Variants in MTMR8 observed in about 807,000 individuals in gnomAD.
MTMR8 encodes myotubularin related protein 8.
In MTMR8, 65 loss-of-function variants were observed where a neutral mutation model predicts 39.3. The ratio of observed to expected loss-of-function variants is 1.65; its 90% confidence interval spans 1.35 to 2.03. The LOEUF (loss-of-function observed/expected upper bound fraction) is 2.03. Among genes scored for constraint, MTMR8 ranks in the 30% most tolerant of loss-of-function variants. MTMR8 has a pLI of 0.00. For missense variants in MTMR8, 777 were observed against 538.9 expected, an observed-to-expected ratio of 1.44 and a Z score of -4.37; for synonymous variants, 245 against 185.2, an observed-to-expected ratio of 1.32 and a Z score of -2.62.
chrX:64,347,183 C>G (rs775301112), intron 6 of MTMR8, among the ~76,000 whole-genome samples: 1 of 110,191 alleles, frequency 9.1e-6, no homozygotes, highest in Non-Finnish European at 1.9e-5. Flanking sequence ...AGAGGGAATG[C>G]CAGATATTTC....
chrX:64,394,603 G>A (rs1207472440), intron 1 of MTMR8, among the ~76,000 whole-genome samples: 1 of 112,057 alleles, frequency 8.9e-6, no homozygotes, highest in African/African-American at 3.2e-5. Flanking sequence ...ATTTGAAACA[G>A]AAAGGGGCTG....
Position 64,289,636 on chromosome X carries a change from C to CAAAAAAAAAAAAAAAAAAAAAAAAAAA in MTMR8, c.1482-18564_1482-18563insTTTTTTTTTTTTTTTTTTTTTTTTTTT, listed in dbSNP as rs749879321. On this transcript the variant is annotated intron_variant, in intron 12 of 13. Coordinates refer to ENST00000374852, the MANE Select transcript of MTMR8 (RefSeq NM_017677.4). ...TGGGTGACAGAGTGAGACTCCATCG[C>CAAAAAAAAAAAAAAAAAAAAAAAAAAA]AAAAAAAAAAAAAAAAAAAAAAAAA... Among the ~76,000 whole-genome samples, 6 of 26,426 alleles carry CAAAAAAAAAAAAAAAAAAAAAAAAAAA rather than the reference C, an allele frequency of 2.3e-4. 1 individual carries two copies. Among genetic ancestry groups the CAAAAAAAAAAAAAAAAAAAAAAAAAAA allele is most frequent in the African/African-American group, 6.2e-4 (6 of 9,750 alleles). The allele number at this position is 26,426 out of a possible 115,157, so 22.9% of individuals were successfully genotyped here. A position where few individuals can be genotyped will look rare whatever the true frequency, so the allele number is the denominator to read the frequency against.
chrX:64,337,179 G>C, intron 9 of MTMR8, 89 bp downstream of exon 9: 1 of 1,044,846 alleles, frequency 9.6e-7, no homozygotes, highest in Non-Finnish European at 1.3e-6. Context: ...AGCTAACTCT[G>C]GCAAAAAAAA....
chrX:64,364,357 C>T (rs1400178863), intron 1 of MTMR8, among the ~76,000 whole-genome samples: 2 of 111,880 alleles, frequency 1.8e-5, no homozygotes, highest in Non-Finnish European at 3.8e-5. Context: ...ATACCTCATA[C>T]AGGCGGGTGC....
chrX:64,303,207 A>G (rs1217251017), intron 12 of MTMR8, among the ~76,000 whole-genome samples: 1 of 112,231 alleles, frequency 8.9e-6, no homozygotes, highest in Non-Finnish European at 1.9e-5. Context: ...GTGTAGTAGT[A>G]TCTGATTGAG....
intron 4 of MTMR8, among the ~76,000 whole-genome samples, chrX:64,351,368 G>C (rs1206238055): frequency 9.0e-6 from 1 of 111,436 alleles, no homozygotes; most frequent in African/African-American, 3.3e-5. Context: ...GTCTTATTAT[G>C]ATAGTAAAAA....
intron 2 of MTMR8, among the ~76,000 whole-genome samples, chrX:64,356,540 G>T (rs1364234631): frequency 9.0e-6 from 1 of 110,708 alleles, no homozygotes; most frequent in African/African-American, 3.3e-5. Flanking sequence ...ACAAGAAGCA[G>T]ACTGCAGTGT....
chrX:64,341,982 G>A (rs944952771), intron 8 of MTMR8, among the ~76,000 whole-genome samples: 4 of 112,233 alleles, frequency 3.6e-5, no homozygotes, highest in African/African-American at 1.3e-4. Flanking sequence ...AACATAGTAT[G>A]TTAGAGAACA....
Position 64,349,582 on chromosome X carries a change from G to A in MTMR8, c.597+360C>T, listed in dbSNP as rs1401936310. Among the ~76,000 whole-genome samples the A allele has an allele frequency of 5.4e-5, 6 of 111,310 alleles. No homozygotes were observed. The East Asian group carries it at 1.4e-3, about 26-fold the overall frequency. ...AAATTATATGAAAAGCACTAAGAAA[G>A]TATCAAGGATATCTGTATTCTACTG... On this transcript the variant is annotated intron_variant, in intron 5 of 13. Coordinates refer to ENST00000374852, the MANE Select transcript of MTMR8 (RefSeq NM_017677.4).
At position 64,314,952 on chromosome X, in the gene MTMR8, G is replaced by A. The variant is rs183248314; in HGVS notation, c.1481+13820C>T. Among the ~76,000 whole-genome samples, 155 of 111,621 alleles carry A rather than the reference G, an allele frequency of 1.4e-3. 2 individuals carry two copies. The highest frequency in any genetic ancestry group is 4.6e-3 in the Middle Eastern group (1 of 217). Reference sequence around the variant, plus strand: ...CCTAAGAGAGGCCAGAAGACCAAGGGGTGCACAGATCAGACTGGCCTGAGT... The same window carrying A: ...CCTAAGAGAGGCCAGAAGACCAAGGAGTGCACAGATCAGACTGGCCTGAGT... On this transcript the variant is annotated intron_variant, in intron 12 of 13. Transcript: ENST00000374852.
chrX:64,286,106 A>G (rs959624409), intron 12 of MTMR8, among the ~76,000 whole-genome samples: 1 of 111,990 alleles, frequency 8.9e-6, no homozygotes, highest in Non-Finnish European at 1.9e-5. Flanking sequence ...AAAAGAGAGA[A>G]GAATCAAATA....
chrX:64,386,091 C>T (rs2147248287), intron 1 of MTMR8, among the ~76,000 whole-genome samples: 1 of 110,543 alleles, frequency 9.0e-6, no homozygotes, highest in African/African-American at 3.3e-5. Flanking sequence ...CTGCTTTCAC[C>T]CTGACAAAAA....
At chrX:64,283,927 C>A (rs906245794) in intron 12 of MTMR8, among the ~76,000 whole-genome samples, 2 of 112,334 alleles carry the variant, frequency 1.8e-5, no homozygotes, top group African/African-American at 3.2e-5. Context: ...CTCTCCTTCT[C>A]CAAAGGAACG....
At chrX:64,269,779 T>C (rs755139692) in intron 13 of MTMR8, among the ~76,000 whole-genome samples, 1 of 111,420 alleles carries the variant, frequency 9.0e-6, no homozygotes, top group South Asian at 3.8e-4. Context: ...TTAACACTTA[T>C]ATTGCCTTTA....
intron 8 of MTMR8, among the ~76,000 whole-genome samples, chrX:64,338,854 T>A (rs1199561365): frequency 8.9e-6 from 1 of 111,830 alleles, no homozygotes; most frequent in Middle Eastern, 4.2e-3. Context: ...GAGAGACTAG[T>A]CATGGGATGA....
At chrX:64,336,812 C>G (rs1271501736) in intron 9 of MTMR8, among the ~76,000 whole-genome samples, 1 of 111,035 alleles carries the variant, frequency 9.0e-6, no homozygotes, top group Non-Finnish European at 1.9e-5. Flanking sequence ...AAAAACAAAA[C>G]AAAACAAAAA....
At chrX:64,285,162 G>A (rs879229014) in intron 12 of MTMR8, among the ~76,000 whole-genome samples, 9 of 111,023 alleles carry the variant, frequency 8.1e-5, no homozygotes, top group African/African-American at 2.6e-4. Flanking sequence ...AAAAAGGCAG[G>A]GTTTGCAATC....
chrX:64,387,198 G>T (rs1924582587), intron 1 of MTMR8, among the ~76,000 whole-genome samples: 1 of 111,463 alleles, frequency 9.0e-6, no homozygotes, highest in African/African-American at 3.3e-5. Context: ...GGAAAGAAAT[G>T]GTCAAGGGAT....
At chrX:64,366,767 C>G (rs771096453) in intron 1 of MTMR8, among the ~76,000 whole-genome samples, 1 of 110,255 alleles carries the variant, frequency 9.1e-6, no homozygotes, top group African/African-American at 3.3e-5. Flanking sequence ...AGAGCAGAAC[C>G]GAAGGAGATA....
Sources: allele counts gnomAD v4.1 joint callset (sites outside exome capture counted in the v4.1 genomes callset), GRCh38; gene constraint gnomAD v4.1.1; transcripts MANE v1.5; gene names NCBI Gene and HGNC (gene_info 2026-07-23, HGNC 2026-07-21).